Variants in RALGAPA2 observed in about 807,000 individuals in gnomAD.
RALGAPA2 encodes the protein Ral GTPase activating protein catalytic subunit alpha 2.
A neutral mutation model predicts 230.4 loss-of-function variants in RALGAPA2; 139 were observed. That is an observed-to-expected ratio of 0.60 (90% CI 0.53 to 0.69). The LOEUF (loss-of-function observed/expected upper bound fraction) is 0.69, where lower values mean the gene tolerates loss of function less well. Ranked by LOEUF, RALGAPA2 falls within the 30% of genes least tolerant of loss-of-function variation. RALGAPA2 has a pLI of 0.00. For synonymous variants in RALGAPA2, 847 were observed against 837.8 expected (o/e 1.01, Z -0.19); for missense variants, 2,163 against 2,276.0 (o/e 0.95, Z 1.01).
chr20:20,431,790 A>C (rs1414873351), intron 37 of RALGAPA2, among the ~76,000 whole-genome samples: 4 of 152,198 alleles, frequency 2.6e-5, no homozygotes, highest in Admixed American at 2.0e-4. Flanking sequence ...ACAACATCAC[A>C]CTGTACCCCA....
chr20:20,501,107 T>C (rs779127587), intron 35 of RALGAPA2, among the ~76,000 whole-genome samples: 4 of 152,210 alleles, frequency 2.6e-5, no homozygotes, highest in African/African-American at 7.2e-5. Context: ...TTAAGGGCCC[T>C]AGAATTTGGG....
At chr20:20,628,316 T>C (rs1433858852) in intron 10 of RALGAPA2, among the ~76,000 whole-genome samples, 3 of 152,162 alleles carry the variant, frequency 2.0e-5, no homozygotes, top group Admixed American at 2.0e-4. Flanking sequence ...AGACTCTTCT[T>C]CTCCTCCTCA....
intron 36 of RALGAPA2, among the ~76,000 whole-genome samples, chr20:20,491,131 C>G (rs182189241): frequency 2.0e-5 from 3 of 152,244 alleles, no homozygotes; most frequent in African/African-American, 4.8e-5. Flanking sequence ...AAGATCTGCC[C>G]AAGACACCTA....
At chr20:20,423,947 G>A (rs1294780422) in intron 37 of RALGAPA2, among the ~76,000 whole-genome samples, 3 of 152,162 alleles carry the variant, frequency 2.0e-5, no homozygotes, top group Non-Finnish European at 2.9e-5. Flanking sequence ...CCAAGTTTAA[G>A]AATAATTCTG....
At chr20:20,515,402 C>T (rs1160946704) in intron 31 of RALGAPA2, among the ~76,000 whole-genome samples, 2 of 152,186 alleles carry the variant, frequency 1.3e-5, no homozygotes, top group Non-Finnish European at 2.9e-5. Context: ...AGGAGCAATA[C>T]AGGAACTCAA....
intron 36 of RALGAPA2, among the ~76,000 whole-genome samples, chr20:20,482,643 GATAA>G (rs1184488616): frequency 1.3e-5 from 2 of 152,186 alleles, no homozygotes; most frequent in East Asian, 1.9e-4. Context: ...AAGTATTACA[GATAA>G]ATAAACAGAA....
At chr20:20,396,762 G>A in intron 38 of RALGAPA2, 28 bp from the exon 39 acceptor site, 1 of 1,517,148 alleles carries the variant, frequency 6.6e-7, no homozygotes, top group Non-Finnish European at 9.0e-7. Context: ...AAAATGGAAT[G>A]AATACAAACA....
intron 31 of RALGAPA2, among the ~76,000 whole-genome samples, chr20:20,518,623 C>T (rs1242099747): frequency 6.6e-6 from 1 of 152,106 alleles, no homozygotes; most frequent in African/African-American, 2.4e-5. Flanking sequence ...ATTTTTAGTA[C>T]TTTAGAACTA....
At chr20:20,646,242 A>G (rs921014461) in intron 4 of RALGAPA2, among the ~76,000 whole-genome samples, 3 of 152,142 alleles carry the variant, frequency 2.0e-5, no homozygotes, top group African/African-American at 7.2e-5. Context: ...TTTAGTAGAC[A>G]TGGGGTTTCA....
At chr20:20,462,811 T>C (rs1297121429) in intron 37 of RALGAPA2, among the ~76,000 whole-genome samples, 1 of 152,248 alleles carries the variant, frequency 6.6e-6, no homozygotes, top group Non-Finnish European at 1.5e-5. Context: ...TGTCCTTCTT[T>C]GGCTTTGCAG....
intron 20 of RALGAPA2, among the ~76,000 whole-genome samples, chr20:20,574,547 C>T (rs191857540): frequency 6.6e-6 from 1 of 152,136 alleles, no homozygotes; most frequent in Non-Finnish European, 1.5e-5. Context: ...CTAAAATAAG[C>T]CTTTGAATTT....
At chr20:20,674,667 T>C (rs1483539196) in intron 3 of RALGAPA2, among the ~76,000 whole-genome samples, 4 of 152,230 alleles carry the variant, frequency 2.6e-5, no homozygotes, top group Non-Finnish European at 5.9e-5. Flanking sequence ...TGGGACTGAA[T>C]AAACATGAAC....
At chr20:20,495,572 G>A (rs189606523) in intron 35 of RALGAPA2, among the ~76,000 whole-genome samples, 6 of 152,302 alleles carry the variant, frequency 3.9e-5, no homozygotes, top group East Asian at 1.9e-4. Flanking sequence ...TTACTCCTGC[G>A]TCAGAGTCCT....
In RALGAPA2 at chr20:20,512,570, G is replaced by A; in HGVS notation, c.4799C>T (p.Pro1600Leu). The change falls in exon 32 of 40, where the codon CCC becomes CTC. Residue 1600 changes from proline to leucine, a missense_variant. By Grantham distance (98) the Pro-to-Leu change is moderately conservative (BLOSUM62 -3). Transcript: ENST00000202677. Reference sequence around the variant, plus strand: ...AAGCAATAACCTGCAGAAATAAAAGGGTCCTCGGGGCTCCACTGGGGAGGG... The same window carrying A: ...AAGCAATAACCTGCAGAAATAAAAGAGTCCTCGGGGCTCCACTGGGGAGGG... ...GQPSPVEPRG[P>L]FYFCRLLLDD... 6.2e-7 allele frequency: 1 copy of A among 1,613,274 alleles called. No individual in the cohort carries two copies. Among genetic ancestry groups the A allele is most frequent in the Non-Finnish European group, 8.5e-7 (1 of 1,179,674 alleles).
At chr20:20,632,259 T>C (rs909227105) in intron 9 of RALGAPA2, among the ~76,000 whole-genome samples, 1 of 152,112 alleles carries the variant, frequency 6.6e-6, no homozygotes, top group African/African-American at 2.4e-5. Context: ...CTCGATCTCC[T>C]GACCTCGTGA....
intron 23 of RALGAPA2, among the ~76,000 whole-genome samples, chr20:20,557,170 C>A (rs918143822): frequency 2.4e-4 from 36 of 152,014 alleles, no homozygotes; most frequent in African/African-American, 8.7e-4. Context: ...ATTAGCCGGG[C>A]GTGGTGGTGG....
chr20:20,535,795 G>A lies in RALGAPA2; in HGVS notation c.3423C>T (p.Leu1141=). The change falls in exon 26 of 40, where the codon CTC becomes CTT. Residue 1141 remains leucine (L), a synonymous_variant. Coordinates refer to ENST00000202677, the MANE Select transcript of RALGAPA2 (RefSeq NM_020343.4). ...ITGTEDVKHY[L]INILLKNATE... ...TGGCATTCTTCAGTAAAATATTTAT[G>A]AGGTAATGCTAAAAACACAAAATTA... 2.6e-6 allele frequency: 4 copies of A among 1,546,654 alleles called. No individual in the cohort carries two copies. The highest frequency in any genetic ancestry group is 3.5e-6 in the Non-Finnish European group (4 of 1,144,746).
intron 16 of RALGAPA2, 118 bp downstream of exon 16, chr20:20,601,559 ACATTT>A: frequency 1.1e-6 from 1 of 918,060 alleles, no homozygotes; most frequent in Non-Finnish European, 1.6e-6. Flanking sequence ...AGATGTAGAG[ACATTT>A]CATTTAATAT....
At chr20:20,683,156 C>G (rs933893812) in intron 1 of RALGAPA2, among the ~76,000 whole-genome samples, 1 of 152,210 alleles carries the variant, frequency 6.6e-6, no homozygotes, top group Admixed American at 6.5e-5. Flanking sequence ...ATTCTGTTAG[C>G]CTGCCTTTAA....
Sources: allele counts gnomAD v4.1 joint callset (sites outside exome capture counted in the v4.1 genomes callset), GRCh38; gene constraint gnomAD v4.1.1; transcripts MANE v1.5; gene names NCBI Gene and HGNC (gene_info 2026-07-23, HGNC 2026-07-21).